The following SECISBP2 variants were observed in gnomAD, a reference collection of about 807,000 sequenced individuals.
SECISBP2 encodes the protein selenocysteine insertion sequence-binding protein 2.
Under a neutral mutation model 98.2 loss-of-function variants are expected in SECISBP2, and 96 were observed. The observed-to-expected ratio is 0.98, with a 90% CI of 0.83 to 1.16. The LOEUF is 1.16. Among genes scored for constraint, SECISBP2 ranks in the 50% most tolerant of loss-of-function variants. The pLI is 0.00. For synonymous variants in SECISBP2, 407 were observed against 370.2 expected (o/e 1.10, Z -1.14); for missense variants, 1,046 against 1,022.9 (o/e 1.02, Z -0.31).
At chr9:89,334,085 T>G (rs910764576) in intron 6 of SECISBP2, 6 of 1,121,416 alleles carry the variant, frequency 5.4e-6, no homozygotes, top group Admixed American at 4.9e-5. Flanking sequence ...CTAAAAGAAA[T>G]AAATTACCAG....
intron 7 of SECISBP2, among the ~76,000 whole-genome samples, chr9:89,335,210 C>A (rs956739969): frequency 7.1e-6 from 1 of 140,392 alleles, no homozygotes; most frequent in African/African-American, 2.7e-5. Flanking sequence ...AGTGAGACGT[C>A]GTCTGAAAAA....
rs1396012535 is a variant in SECISBP2 at position 89,334,681 on chromosome 9, C to G, written c.1040C>G (p.Ser347Trp). The G allele has an allele frequency of 6.2e-7, 1 of 1,614,040 alleles. No individual in the cohort carries two copies. Among genetic ancestry groups the G allele is most frequent in the Non-Finnish European group, 8.5e-7 (1 of 1,179,956 alleles). Reference sequence around the variant, plus strand: ...ATACCATCTTCTGAAGCTTTATCTTCGGATCCTTCCTACAACAAAGAAAAA... The same window carrying G: ...ATACCATCTTCTGAAGCTTTATCTTGGGATCCTTCCTACAACAAAGAAAAA... ...VSIPSSEALS[S>W]DPSYNKEKHI... Residue 347 changes from serine (S) to tryptophan (W), a missense_variant, in exon 7 of 17, where the codon TCG (serine) becomes TGG (tryptophan). By Grantham distance (177) the Ser-to-Trp change is radical (BLOSUM62 -3). Transcript: ENST00000375807.
downstream of SECISBP2, among the ~76,000 whole-genome samples, chr9:89,362,917 C>T (rs1047831033): frequency 1.3e-5 from 2 of 152,138 alleles, no homozygotes; most frequent in Non-Finnish European, 2.9e-5. Flanking sequence ...AGACAGGGAG[C>T]CTCTAGGGAG....
At chr9:89,363,960 C>G, downstream of SECISBP2, 1 of 1,614,062 alleles carries the variant, frequency 6.2e-7, no homozygotes. Flanking sequence ...CCTGGGGACA[C>G]AGACCGTTTC....
In SECISBP2 at chr9:89,325,923, G is replaced by A. The variant is rs771723645; in HGVS notation, c.459G>A (p.Thr153=). The A allele has an allele frequency of 8.7e-6, 14 of 1,613,942 alleles. No homozygotes were observed. Among genetic ancestry groups the A allele is most frequent in the Admixed American group, 6.7e-5 (4 of 59,994 alleles). The change falls in exon 4 of 17, where the codon ACG becomes ACA. Residue 153 remains threonine, a synonymous_variant. Transcript: ENST00000375807. ...AGAAAACCTATGATGAGAAAAAAAC[G>A]TATGATCAGCAAAAGTTTGACAGTG... ...FKKKTYDEKK[T]YDQQKFDSER... is the part of the protein sequence containing the mutation.
At chr9:89,328,942 A>C in intron 5 of SECISBP2, 56 bp downstream of exon 5, 3 of 1,349,328 alleles carry the variant, frequency 2.2e-6, no homozygotes, top group Non-Finnish European at 3.1e-6. Flanking sequence ...AAATTGTCTC[A>C]TTTCAAACAT....
rs893427179 is a variant in SECISBP2 at position 89,355,444 on chromosome 9, C to G, written c.2114-1967C>G. 1.0e-5 allele frequency: 10 copies of G among 971,458 alleles called. No individual in the cohort carries two copies. The African/African-American group carries it at 1.8e-4, about 17-fold the overall frequency. 60.2% of individuals were successfully genotyped at this position (971,458 alleles called of 1,614,324 possible). A position where few individuals can be genotyped will look rare whatever the true frequency, so the allele number is the denominator to read the frequency against. ...TATGAGGGAGGGTCAGCATCAGGAGCTTGGCATTTTCTGTGAATTGTTCAT... is the reference window on the plus strand; with the variant it reads ...TATGAGGGAGGGTCAGCATCAGGAGGTTGGCATTTTCTGTGAATTGTTCAT... On this transcript the variant is annotated intron_variant, in intron 14 of 16. Transcript: ENST00000375807.
chr9:89,318,844 C>T (rs747036908), intron 1 of SECISBP2: 52 of 1,272,360 alleles, frequency 4.1e-5, no homozygotes, highest in Non-Finnish European at 4.8e-5. Flanking sequence ...GTCTGTGGTG[C>T]GATGTCACCC....
chr9:89,333,919 CT>C, intron 6 of SECISBP2: 13 of 528,352 alleles, frequency 2.5e-5, no homozygotes, highest in South Asian at 1.5e-4. Context: ...GTGTAGTTCT[CT>C]AGTGAGGGGA....
At chr9:89,356,055 A>C (rs748840339) in intron 14 of SECISBP2, among the ~76,000 whole-genome samples, 1 of 152,102 alleles carries the variant, frequency 6.6e-6, no homozygotes, top group Non-Finnish European at 1.5e-5. Context: ...GGCGTCCCCA[A>C]CCCCTGGGCT....
At chr9:89,342,722 A>G (rs943493116) in intron 10 of SECISBP2, among the ~76,000 whole-genome samples, 1 of 152,210 alleles carries the variant, frequency 6.6e-6, no homozygotes, top group African/African-American at 2.4e-5. Flanking sequence ...GAATAGGCAA[A>G]TTCATAAAAG....
At chr9:89,364,687 G>A in the SECISBP2 span, 1 of 154,414 alleles carries the variant, frequency 6.5e-6, no homozygotes, top group East Asian at 1.9e-4. Flanking sequence ...AAGTAGAGAG[G>A]CCAGTTACTT....
Position 89,338,557 on chromosome 9 carries a change from GT to G in SECISBP2, c.1191del (p.Gln398LysfsTer25). The G allele has an allele frequency of 6.2e-7, 1 of 1,612,498 alleles. No homozygotes were observed. Among genetic ancestry groups the G allele is most frequent in the Non-Finnish European group, 8.5e-7 (1 of 1,179,532 alleles). ...KSTSKYEVLT[V>X]QEPPRIEDAE... ...TACATCAAAATATGAAGTCCTGACA[GT>G]TCAAGAGCCTCCAAGGATTGAAGTA... On this transcript the variant is annotated frameshift_variant, in exon 8 of 17. Coordinates refer to ENST00000375807, the MANE Select transcript of SECISBP2 (RefSeq NM_024077.5). LOFTEE classifies it high-confidence loss of function.
In SECISBP2 at chr9:89,341,401, G is replaced by T. The variant is rs756923892; in HGVS notation, c.1357G>T (p.Gly453Trp). 7 of 1,613,862 alleles carry T rather than the reference G, an allele frequency of 4.3e-6. No individual in the cohort carries two copies. The highest frequency in any genetic ancestry group is 5.1e-6 in the Non-Finnish European group (6 of 1,179,930). The change falls in exon 10 of 17, where the codon GGG (glycine) becomes TGG (tryptophan). Residue 453 changes from glycine (G) to tryptophan (W), a missense_variant. Transcript: ENST00000375807. ...CCAGCTTCCAGTGCAGTTGGACTTG[G>T]GGGGCATGCTGACAGCCCTGGAGAA... ...KSQLPVQLDLGGMLTALEKKQ... is the reference protein window; with the variant it reads ...KSQLPVQLDLWGMLTALEKKQ...
intron 7 of SECISBP2, among the ~76,000 whole-genome samples, chr9:89,336,092 T>C (rs947787856): frequency 2.2e-5 from 3 of 137,116 alleles, no homozygotes; most frequent in Non-Finnish European, 3.2e-5. Flanking sequence ...TTTTTTTTTT[T>C]TTTTTTTTTT....
At chr9:89,364,461 T>A (rs889379619), downstream of SECISBP2, 7 of 207,910 alleles carry the variant, frequency 3.4e-5, no homozygotes, top group East Asian at 7.5e-4. Flanking sequence ...ATTGAGACAC[T>A]GGGGTGGGCT....
chr9:89,318,936 C>A (rs1037630596), intron 1 of SECISBP2: 9 of 1,193,016 alleles, frequency 7.5e-6, no homozygotes, highest in African/African-American at 3.2e-5. Flanking sequence ...CTCTTGGGAA[C>A]GGATAGATTG....
At chr9:89,355,279 T>A in intron 14 of SECISBP2, 4 of 985,474 alleles carry the variant, frequency 4.1e-6, no homozygotes, top group African/African-American at 1.7e-5. Flanking sequence ...GTGAGTATCC[T>A]GTAGGCCAGA....
chr9:89,341,381 T>G lies in SECISBP2; in HGVS notation c.1337T>G (p.Leu446Arg). The G allele has an allele frequency of 6.2e-7, 1 of 1,613,986 alleles. No individual in the cohort carries two copies. The highest frequency in any genetic ancestry group is 2.2e-5 in the East Asian group (1 of 44,862). ...NFKNNVKKSQ[L>R]PVQLDLGGML... ...AAAAATAATGTAAAGAAGAGCCAGC[T>G]TCCAGTGCAGTTGGACTTGGGGGGC... is the stretch of plus-strand genomic sequence containing the variant. Residue 446 changes from leucine to arginine, a missense_variant, in exon 10 of 17, where the codon CTT (leucine) becomes CGT (arginine). Physicochemically the swap from Leu to Arg is moderately radical, Grantham distance 102. Coordinates refer to ENST00000375807, the MANE Select transcript of SECISBP2 (RefSeq NM_024077.5).
Sources: allele counts gnomAD v4.1 joint callset (sites outside exome capture counted in the v4.1 genomes callset), GRCh38; gene constraint gnomAD v4.1.1; transcripts MANE v1.5; gene names NCBI Gene and HGNC (gene_info 2026-07-23, HGNC 2026-07-21).